The following PPP6R2 variants were observed in gnomAD, a reference collection of about 807,000 sequenced individuals.
The protein encoded by PPP6R2 is protein phosphatase 6 regulatory subunit 2.
A neutral mutation model predicts 100.2 loss-of-function variants in PPP6R2; 62 were observed. The ratio of observed to expected loss-of-function variants is 0.62; its 90% confidence interval spans 0.50 to 0.76. The LOEUF (loss-of-function observed/expected upper bound fraction) is 0.76, where lower values mean the gene tolerates loss of function less well. Among genes scored for constraint, PPP6R2 ranks in the 30% least tolerant of loss-of-function variants. The probability of loss-of-function intolerance (pLI) is 0.00; values close to 1 mark genes in which losing one functional copy is unlikely to be tolerated. For missense variants in PPP6R2, 1,142 were observed against 1,276.3 expected (o/e 0.89, Z 1.60); for synonymous variants, 525 against 514.7 (o/e 1.02, Z -0.27).
chr22:50,426,441 C>G (rs1225875523), intron 10 of PPP6R2, among the ~76,000 whole-genome samples: 1 of 152,120 alleles, frequency 6.6e-6, no homozygotes. Flanking sequence ...ATGTTTAGGT[C>G]TTTAATCCAT....
At chr22:50,411,774 A>G (rs374532773) in intron 4 of PPP6R2, among the ~76,000 whole-genome samples, 14 of 148,262 alleles carry the variant, frequency 9.4e-5, no homozygotes, top group African/African-American at 3.0e-4. Flanking sequence ...GGCCTGGCGC[A>G]GTGGCTCACG....
Position 50,423,624 on chromosome 22 carries a change from C to G in PPP6R2, c.1125+10C>G. On this transcript the variant is annotated intron_variant, in intron 10 of 23. Coordinates refer to ENST00000612753, the MANE Select transcript of PPP6R2 (RefSeq NM_001242898.2). The surrounding 1 kb of genome is among the most constrained non-coding windows in gnomAD (Gnocchi z 4.8). ...GATGGACTTACTGCTGGTAAGTGGG[C>G]CCCTCAGCCAGCCCTGCATGTCTGT... The G allele has an allele frequency of 6.2e-7, 1 of 1,613,930 alleles. No individual in the cohort carries two copies. Among genetic ancestry groups the G allele is most frequent in the South Asian group, 1.1e-5 (1 of 91,078 alleles).
intron 3 of PPP6R2, among the ~76,000 whole-genome samples, chr22:50,401,347 C>A (rs923698518): frequency 6.7e-6 from 1 of 148,430 alleles, no homozygotes; most frequent in African/African-American, 2.5e-5. Flanking sequence ...GCTGGAACTA[C>A]AGACGCCCAC....
chr22:50,434,597 A>G (rs373740449), intron 12 of PPP6R2, among the ~76,000 whole-genome samples: 1 of 65,904 alleles, frequency 1.5e-5, no homozygotes, highest in African/African-American at 6.5e-5. Flanking sequence ...GGCCGGGGGC[A>G]TGGATGCTGG....
intron 3 of PPP6R2, among the ~76,000 whole-genome samples, chr22:50,403,988 G>GT (rs1170113604): frequency 6.6e-6 from 1 of 152,200 alleles, no homozygotes; most frequent in Admixed American, 6.5e-5. Context: ...CTACCTGGCG[G>GT]TGGCCACATG....
intron 1 of PPP6R2, among the ~76,000 whole-genome samples, chr22:50,355,103 A>G (rs755659860): frequency 1.4e-4 from 22 of 151,920 alleles, no homozygotes; most frequent in Non-Finnish European, 5.9e-5. Context: ...TCAGCCTCCC[A>G]AAGTACTGGG....
chr22:50,412,532 CCTT>C (rs562145268), intron 4 of PPP6R2, among the ~76,000 whole-genome samples: 181 of 151,802 alleles, frequency 1.2e-3, no homozygotes, highest in African/African-American at 4.2e-3. Context: ...GGCCATTAAA[CCTT>C]CTCTGTATAG....
the PPP6R2 span, among the ~76,000 whole-genome samples, chr22:50,332,650 A>G: frequency 2.5e-4 from 34 of 136,198 alleles, no homozygotes; most frequent in Non-Finnish European, 4.1e-4. Context: ...TTTGAGATGG[A>G]GTCTCGCTCT....
chr22:50,392,285 T>C (rs1191067651), intron 2 of PPP6R2, among the ~76,000 whole-genome samples: 1 of 150,904 alleles, frequency 6.6e-6, no homozygotes, highest in African/African-American at 2.4e-5. Flanking sequence ...GCAGATTGCT[T>C]GAGCTCAGCA....
At chr22:50,369,673 T>C (rs1602460331) in intron 1 of PPP6R2, among the ~76,000 whole-genome samples, 1 of 152,126 alleles carries the variant, frequency 6.6e-6, no homozygotes, top group East Asian at 1.9e-4. Flanking sequence ...GCCCGGCTAA[T>C]TTTTTGTGTT....
intron 10 of PPP6R2, among the ~76,000 whole-genome samples, chr22:50,426,349 T>TA (rs2147942419): frequency 6.6e-6 from 1 of 152,348 alleles, no homozygotes; most frequent in Non-Finnish European, 1.5e-5. Flanking sequence ...TTCGGTGTCA[T>TA]ATCCAAAAAA....
rs1192308689 is a variant in PPP6R2, at chr22:50,414,619, C to T, written c.482C>T (p.Ala161Val). 9 of 1,613,866 alleles carry T rather than the reference C, an allele frequency of 5.6e-6. No individual in the cohort carries two copies. Among genetic ancestry groups the T allele is most frequent in the East Asian group, 2.2e-5 (1 of 44,878 alleles). The part of the protein sequence containing the change: ...SLVLKHIGTS[A>V]LMDLLLRLVS... ...GTGTTGAAGCACATCGGCACCTCAGCGCTTATGGACCTGCTGCTGCGCCTG... is the reference window on the plus strand; with the variant it reads ...GTGTTGAAGCACATCGGCACCTCAGTGCTTATGGACCTGCTGCTGCGCCTG... The change falls in exon 5 of 24, where the codon GCG becomes GTG. Residue 161 changes from alanine (A) to valine (V), a missense_variant. Ala to Val is a moderately conservative substitution (Grantham distance 64). Transcript: ENST00000612753.
chr22:50,413,067 T>A (rs1356152486), intron 4 of PPP6R2, among the ~76,000 whole-genome samples: 2 of 148,036 alleles, frequency 1.4e-5, no homozygotes, highest in Non-Finnish European at 3.0e-5. Context: ...TTCAAGCAAT[T>A]CTGCCTCAGC....
chr22:50,397,788 C>A (rs2057297672), intron 3 of PPP6R2, among the ~76,000 whole-genome samples: 2 of 59,832 alleles, frequency 3.3e-5, no homozygotes, highest in East Asian at 9.8e-4. Context: ...CCAGCCTTGT[C>A]ATCTCTGAGC....
intron 3 of PPP6R2, among the ~76,000 whole-genome samples, chr22:50,399,193 ATC>A (rs1233710443): frequency 6.6e-6 from 1 of 152,222 alleles, no homozygotes; most frequent in Non-Finnish European, 1.5e-5. Context: ...CAAGACTGTC[ATC>A]TCTTTAAAAA....
intron 2 of PPP6R2, chr22:50,393,317 A>G (rs1429666354): frequency 3.4e-6 from 3 of 881,614 alleles, no homozygotes; most frequent in Non-Finnish European, 4.1e-6. Flanking sequence ...TGGGGGAGGC[A>G]GAGGAGTGAG....
chr22:50,426,571 A>G (rs2062158369), intron 10 of PPP6R2, among the ~76,000 whole-genome samples: 1 of 152,156 alleles, frequency 6.6e-6, no homozygotes, highest in Admixed American at 6.5e-5. Context: ...ACGGTGGTTC[A>G]CGCCTGTAAA....
In PPP6R2 at chr22:50,375,832, A is replaced by ATTTT. The variant is rs557118142; in HGVS notation, c.-17+3705_-17+3708dup. Among the ~76,000 whole-genome samples, 176 of 64,548 alleles carry ATTTT rather than the reference A, an allele frequency of 2.7e-3. 20 individuals are homozygous for ATTTT. Among genetic ancestry groups the ATTTT allele is most frequent in the African/African-American group, 0.012 (147 of 12,004 alleles). 42.3% of individuals were successfully genotyped at this position (64,548 alleles called of 152,430 possible). ...CCTAAGATACAAAGAATCCCTGCAG[A>ATTTT]TTTTTTTTTTTTTTTTTTTTTTTTT... On this transcript the variant is annotated intron_variant, in intron 2 of 23. Transcript: ENST00000612753.
At chr22:50,432,873 G>C (rs2063431309) in intron 12 of PPP6R2, among the ~76,000 whole-genome samples, 1 of 152,232 alleles carries the variant, frequency 6.6e-6, no homozygotes, top group Non-Finnish European at 1.5e-5. Context: ...CTGTGGGGAA[G>C]CAGAGGCCGA....
Sources: gnomAD v4.1 joint callset for allele counts (sites outside exome capture counted in the v4.1 genomes callset) on GRCh38, gnomAD v4.1.1 for gene constraint, Gnocchi (gnomAD v3.1) non-coding constraint, MANE v1.5 for transcripts, NCBI Gene and HGNC (gene_info 2026-07-23, HGNC 2026-07-21) for gene names.